Variants in DGKH observed in about 807,000 individuals in gnomAD.
DGKH encodes diacylglycerol kinase eta.
Under a neutral mutation model 159.3 loss-of-function variants are expected in DGKH, and 90 were observed. That is an observed-to-expected ratio of 0.57 (90% CI 0.48 to 0.67). The LOEUF is 0.67. Among genes scored for constraint, DGKH ranks in the 30% least tolerant of loss-of-function variants. The probability of loss-of-function intolerance (pLI) is 0.00; values close to 1 mark genes in which losing one functional copy is unlikely to be tolerated. For synonymous variants in DGKH, 536 were observed against 553.8 expected, an observed-to-expected ratio of 0.97 and a Z score of 0.45; for missense variants, 1,181 against 1,506.1, an observed-to-expected ratio of 0.78 and a Z score of 3.57.
intron 3 of DGKH, among the ~76,000 whole-genome samples, chr13:42,152,800 G>C (rs1337608365): frequency 6.6e-6 from 1 of 151,882 alleles, no homozygotes; most frequent in Non-Finnish European, 1.5e-5. Flanking sequence ...ACTCCTCCGC[G>C]GGACCTGTGA....
intron 26 of DGKH, among the ~76,000 whole-genome samples, chr13:42,218,430 G>T (rs1396686584): frequency 1.3e-5 from 2 of 150,276 alleles, no homozygotes; most frequent in South Asian, 2.1e-4. Flanking sequence ...TTTTCAAGGA[G>T]ATTTTTCTGC....
intron 3 of DGKH, among the ~76,000 whole-genome samples, chr13:42,146,855 C>T (rs1955748266): frequency 6.6e-6 from 1 of 152,222 alleles, no homozygotes; most frequent in Non-Finnish European, 1.5e-5. Flanking sequence ...ATGTGCTTTT[C>T]ATTCTAAATA....
intron 18 of DGKH, 120 bp downstream of exon 18, chr13:42,198,715 G>T (rs1170097): frequency 0.032 from 30,066 of 941,326 alleles, 2,817 homozygotes; most frequent in African/African-American, 0.29. Context: ...AAAAAAGGAT[G>T]ATCAGAAAAT....
chr13:42,060,083 T>C (rs1882039249), intron 1 of DGKH, among the ~76,000 whole-genome samples: 1 of 152,030 alleles, frequency 6.6e-6, no homozygotes, highest in Non-Finnish European at 1.5e-5. Flanking sequence ...TTTTTGTATT[T>C]TTAGTAGAGA....
intron 20 of DGKH, among the ~76,000 whole-genome samples, chr13:42,200,752 A>G (rs1183466734): frequency 6.6e-6 from 1 of 152,202 alleles, no homozygotes; most frequent in Non-Finnish European, 1.5e-5. Flanking sequence ...CCTAGTGAAG[A>G]TGAGCCTATT....
chr13:42,105,193 T>G (rs963309806), intron 1 of DGKH, among the ~76,000 whole-genome samples: 1 of 152,106 alleles, frequency 6.6e-6, no homozygotes. Context: ...GCTGGCATCT[T>G]GTAAGGACCT....
At chr13:42,088,322 G>A (rs1276717402) in intron 1 of DGKH, among the ~76,000 whole-genome samples, 1 of 152,150 alleles carries the variant, frequency 6.6e-6, no homozygotes, top group African/African-American at 2.4e-5. Flanking sequence ...TGCAAGTTCA[G>A]AGAGGAATGA....
Position 42,155,359 on chromosome 13 carries a change from C to T in DGKH, c.453C>T (p.Ser151=), listed in dbSNP as rs1594108579. 6 of 1,612,820 alleles carry T rather than the reference C, an allele frequency of 3.7e-6. No homozygotes were observed. In the East Asian group the frequency reaches 1.1e-4, roughly 30 times the overall value. Residue 151 remains serine, a synonymous_variant, in exon 4 of 30, where the codon AGC becomes AGT. Coordinates refer to ENST00000337343, the MANE Select transcript of DGKH (RefSeq NM_178009.5). ...GAAAGGAGATGGAGGATTGGATCAG[C>T]TCACTGAAGTCTGTACAGACCAGAG... ...ENRKEMEDWI[S]SLKSVQTREP...
rs1957303950 is a variant in DGKH, at chr13:42,199,832, A to G, written c.2416A>G (p.Met806Val). Residue 806 changes from methionine (M) to valine (V), a missense_variant, in exon 20 of 30, where the codon ATG becomes GTG. By Grantham distance (21) the Met-to-Val change is conservative (BLOSUM62 1). Coordinates refer to ENST00000337343, the MANE Select transcript of DGKH (RefSeq NM_178009.5). ...EKCRSRTKNL[M>V]WYGVLGTREL... Reference sequence around the variant, plus strand: ...TTTCAGGAGCCGAACTAAAAACTTGATGTGGTATGGAGTCCTTGGAACCCG... The same window carrying G: ...TTTCAGGAGCCGAACTAAAAACTTGGTGTGGTATGGAGTCCTTGGAACCCG... 2 of 1,603,532 alleles carry G rather than the reference A, an allele frequency of 1.2e-6. No individual in the cohort carries two copies. Among genetic ancestry groups the G allele is most frequent in the African/African-American group, 2.7e-5 (2 of 74,326 alleles).
intron 1 of DGKH, among the ~76,000 whole-genome samples, chr13:42,040,443 T>C (rs1314299024): frequency 6.6e-6 from 1 of 150,988 alleles, no homozygotes; most frequent in African/African-American, 2.4e-5. Context: ...GTTCCGCGCC[T>C]TATAAGGCCT....
upstream of DGKH, among the ~76,000 whole-genome samples, chr13:42,048,133 G>T: frequency 7.0e-6 from 1 of 142,368 alleles, no homozygotes; most frequent in South Asian, 2.6e-4. This position sits in a 1 kb window ranked among gnomAD's most constrained non-coding sequence, Gnocchi z 6.7. Flanking sequence ...TGGGGGTGGG[G>T]AAACCGACGA....
rs147230417 is a variant in DGKH at position 42,217,489 on chromosome 13, C to T, written c.3214-1741C>T. Reference sequence around the variant, plus strand: ...AACTCCTGACTTCAAGTGATCCACCCGTCTCGGCCTCCCAGAGTGCTGGGA... The same window carrying T: ...AACTCCTGACTTCAAGTGATCCACCTGTCTCGGCCTCCCAGAGTGCTGGGA... On this transcript the variant is annotated intron_variant, in intron 26 of 29. Coordinates refer to ENST00000337343, the MANE Select transcript of DGKH (RefSeq NM_178009.5). 2.2e-4 allele frequency among the ~76,000 whole-genome samples: 33 copies of T among 152,016 alleles called. No homozygotes were observed. In the East Asian group the frequency reaches 6.2e-3, roughly 29 times the overall value.
chr13:42,079,544 A>T lies in DGKH; in HGVS notation c.192+30579A>T, dbSNP rs371539591. ...AAACCTCTAGGTTTAAGAACAGAGTAAAAAAATGATTTCAGTTGCTTTGGT... is the reference window on the plus strand; with the variant it reads ...AAACCTCTAGGTTTAAGAACAGAGTTAAAAAATGATTTCAGTTGCTTTGGT... On this transcript the variant is annotated intron_variant, in intron 1 of 29. Coordinates refer to ENST00000337343, the MANE Select transcript of DGKH (RefSeq NM_178009.5). 7.2e-5 allele frequency among the ~76,000 whole-genome samples: 11 copies of T among 152,248 alleles called. No homozygotes were observed. In the East Asian group the frequency reaches 1.5e-3, roughly 21 times the overall value.
At chr13:42,165,045 T>C (rs910486004) in intron 7 of DGKH, among the ~76,000 whole-genome samples, 8 of 152,272 alleles carry the variant, frequency 5.3e-5, no homozygotes, top group African/African-American at 1.9e-4. Context: ...TCCTCTGCAC[T>C]TGGTCTCTTC....
At chr13:42,088,674 A>G (rs1009582975) in intron 1 of DGKH, among the ~76,000 whole-genome samples, 6 of 152,164 alleles carry the variant, frequency 3.9e-5, no homozygotes, top group African/African-American at 9.6e-5. Flanking sequence ...ATTGAATCCT[A>G]GAAAATACTG....
intron 1 of DGKH, among the ~76,000 whole-genome samples, chr13:42,054,337 A>G (rs1200039030): frequency 2.0e-5 from 3 of 152,242 alleles, no homozygotes; most frequent in Non-Finnish European, 4.4e-5. Context: ...GAAGAATATT[A>G]GGAAATGAGA....
At chr13:42,142,405 T>C in intron 3 of DGKH, among the ~76,000 whole-genome samples, 1 of 151,206 alleles carries the variant, frequency 6.6e-6, no homozygotes. Context: ...ATATGAACTT[T>C]AAAGTCGTTT....
intron 3 of DGKH, among the ~76,000 whole-genome samples, chr13:42,152,996 C>G (rs534194482): frequency 6.6e-6 from 1 of 152,138 alleles, no homozygotes; most frequent in Non-Finnish European, 1.5e-5. Context: ...CAAATCTAAT[C>G]AGTAGATTTC....
chr13:42,227,486 A>G (rs781274183), intron 29 of DGKH, among the ~76,000 whole-genome samples: 2 of 152,170 alleles, frequency 1.3e-5, no homozygotes, highest in Non-Finnish European at 2.9e-5. Flanking sequence ...AAAGATATTT[A>G]AATATTCCAC....
Sources: allele counts gnomAD v4.1 joint callset (sites outside exome capture counted in the v4.1 genomes callset), GRCh38; gene constraint gnomAD v4.1.1; non-coding constraint Gnocchi (gnomAD v3.1); transcripts MANE v1.5; gene names NCBI Gene and HGNC (gene_info 2026-07-23, HGNC 2026-07-21).